Variants in GALNT16 observed in about 807,000 individuals in gnomAD.
GALNT16 encodes polypeptide N-acetylgalactosaminyltransferase 16, also known as UDP-GalNAc:polypeptide N-acetylgalactosaminyltransferase-like protein 1.
GALNT16 carries 40 observed loss-of-function variants against 76.1 expected under a neutral mutation model. That is an observed-to-expected ratio of 0.53 (90% CI 0.41 to 0.68). The LOEUF (loss-of-function observed/expected upper bound fraction) is 0.68, where lower values mean the gene tolerates loss of function less well. GALNT16 is among the 30% of genes least tolerant of loss of function. The pLI is 0.00. For synonymous variants in GALNT16, 276 were observed against 285.2 expected (o/e 0.97, Z 0.32); for missense variants, 621 against 731.9 (o/e 0.85, Z 1.75).
intron 6 of GALNT16, 126 bp downstream of exon 6, chr14:69,328,697 C>T: frequency 1.1e-6 from 1 of 886,394 alleles, no homozygotes; most frequent in African/African-American, 1.7e-5. Flanking sequence ...TAGTCTACTT[C>T]CCCCTGAGTG....
chr14:69,378,526 CAAA>C, the GALNT16 span, among the ~76,000 whole-genome samples: 2 of 152,184 alleles, frequency 1.3e-5, no homozygotes, highest in Non-Finnish European at 2.9e-5. Context: ...TTCACCTTCA[CAAA>C]AAGGCTACTT....
At chr14:69,369,337 T>C in the GALNT16 span, among the ~76,000 whole-genome samples, 1 of 152,018 alleles carries the variant, frequency 6.6e-6, no homozygotes, top group South Asian at 2.1e-4. Context: ...ATTAAATAAA[T>C]GAATAGAGGC....
downstream of GALNT16, among the ~76,000 whole-genome samples, chr14:69,360,061 G>C (rs2045715082): frequency 9.0e-6 from 1 of 110,734 alleles, no homozygotes. Flanking sequence ...AAAAAGAAAT[G>C]CAAACTCTTG....
intron 1 of GALNT16, among the ~76,000 whole-genome samples, chr14:69,292,180 G>A (rs1225046940): frequency 1.3e-5 from 2 of 152,238 alleles, no homozygotes; most frequent in Non-Finnish European, 2.9e-5. Context: ...GGTAGGACCT[G>A]GAGCACAGAG....
chr14:69,339,431 C>T (rs2045456006), intron 10 of GALNT16, 96 bp from the exon 11 acceptor site: 1 of 798,346 alleles, frequency 1.3e-6, no homozygotes, highest in Non-Finnish European at 2.2e-6. Context: ...CTGAGATTCT[C>T]ATCGTCCTGT....
intron 1 of GALNT16, among the ~76,000 whole-genome samples, chr14:69,289,220 A>T (rs1168650656): frequency 1.3e-5 from 2 of 152,146 alleles, no homozygotes; most frequent in Non-Finnish European, 2.9e-5. Context: ...CCTCTGAGGG[A>T]TGCCAAGGTG....
intron 10 of GALNT16, 116 bp downstream of exon 10, chr14:69,338,893 GT>G: frequency 1.2e-6 from 1 of 802,630 alleles, no homozygotes; most frequent in Non-Finnish European, 1.9e-6. Context: ...TTGGGCCTCA[GT>G]TTCCCCATTT....
chr14:69,264,819 C>CTT lies in GALNT16; in HGVS notation c.177+4362_177+4363dup, dbSNP rs60818532. Reference sequence around the variant, plus strand: ...TTTATTTTCTCTTTTCTTTTTCTTTCTTTTTTTTTTTGGACACAGGGTCTC... The same window carrying CTT: ...TTTATTTTCTCTTTTCTTTTTCTTTCTTTTTTTTTTTTTGGACACAGGGTCTC... On this transcript the variant is annotated intron_variant, in intron 1 of 14. Coordinates refer to ENST00000448469, the MANE Select transcript of GALNT16 (RefSeq NM_001168368.2). Among the ~76,000 whole-genome samples, 3 of 96,600 alleles carry CTT rather than the reference C, an allele frequency of 3.1e-5. 1 individual carries two copies. The highest frequency in any genetic ancestry group is 4.3e-4 in the East Asian group (1 of 2,324). 63.4% of individuals were successfully genotyped at this position (96,600 alleles called of 152,430 possible).
the GALNT16 span, among the ~76,000 whole-genome samples, chr14:69,377,892 C>T: frequency 1.4e-5 from 2 of 144,960 alleles, no homozygotes; most frequent in Non-Finnish European, 3.0e-5. Context: ...ATTTATGTAT[C>T]AATCCTGATT....
At chr14:69,310,378 A>G (rs896063008) in intron 1 of GALNT16, among the ~76,000 whole-genome samples, 2 of 152,094 alleles carry the variant, frequency 1.3e-5, no homozygotes, top group African/African-American at 4.8e-5. Flanking sequence ...TTATTTGATC[A>G]GAGTTGCATT....
chr14:69,383,440 G>A, the GALNT16 span, among the ~76,000 whole-genome samples: 2 of 152,174 alleles, frequency 1.3e-5, no homozygotes, highest in Non-Finnish European at 2.9e-5. Flanking sequence ...GAGGAGTAAC[G>A]GCCCAAATCA....
chr14:69,280,672 T>C (rs1278585227), intron 1 of GALNT16, among the ~76,000 whole-genome samples: 1 of 152,130 alleles, frequency 6.6e-6, no homozygotes, highest in Non-Finnish European at 1.5e-5. Flanking sequence ...TCCAGCAGAG[T>C]GCCCACCCCT....
intron 1 of GALNT16, among the ~76,000 whole-genome samples, chr14:69,284,055 G>C (rs1035086079): frequency 1.3e-5 from 2 of 152,182 alleles, no homozygotes; most frequent in Non-Finnish European, 2.9e-5. Context: ...TGGAAAAATG[G>C]ATTCCTGCTT....
At chr14:69,337,259 G>C (rs906140904) in intron 9 of GALNT16, among the ~76,000 whole-genome samples, 6 of 152,020 alleles carry the variant, frequency 3.9e-5, no homozygotes, top group African/African-American at 1.5e-4. Context: ...ACCTTGGAGA[G>C]GTTATTTAAC....
chr14:69,357,876 A>C (rs1366778962), downstream of GALNT16: 2 of 152,580 alleles, frequency 1.3e-5, no homozygotes, highest in East Asian at 3.8e-4. Context: ...TTGCACATTT[A>C]AGTCCCATGC....
chr14:69,370,596 G>A, the GALNT16 span, among the ~76,000 whole-genome samples: 1 of 152,070 alleles, frequency 6.6e-6, no homozygotes, highest in Admixed American at 6.6e-5. Context: ...TGAAAAAGAA[G>A]AGGTGAAACC....
the GALNT16 span, among the ~76,000 whole-genome samples, chr14:69,376,039 C>T: frequency 6.6e-6 from 1 of 151,992 alleles, no homozygotes; most frequent in Non-Finnish European, 1.5e-5. Flanking sequence ...CTATTGTTGT[C>T]ATACTTTTTA....
chr14:69,302,085 A>G (rs2044861807), intron 1 of GALNT16, among the ~76,000 whole-genome samples: 1 of 152,170 alleles, frequency 6.6e-6, no homozygotes, highest in Non-Finnish European at 1.5e-5. Context: ...CCTTCTGAGA[A>G]TAGGATACAG....
chr14:69,291,841 A>G (rs1486275189), intron 1 of GALNT16, among the ~76,000 whole-genome samples: 1 of 152,206 alleles, frequency 6.6e-6, no homozygotes, highest in Non-Finnish European at 1.5e-5. Flanking sequence ...ACCGTGTGAA[A>G]TTGCTTTGCA....
Sources: gnomAD v4.1 joint callset for allele counts (sites outside exome capture counted in the v4.1 genomes callset) on GRCh38, gnomAD v4.1.1 for gene constraint, MANE v1.5 for transcripts, NCBI Gene and HGNC (gene_info 2026-07-23, HGNC 2026-07-21) for gene names.